Variants in CFAP95 observed in about 807,000 individuals in gnomAD.
CFAP95 encodes cilia and flagella associated protein 95.
the CFAP95 span, among the ~76,000 whole-genome samples, chr9:69,825,086 A>C: frequency 6.6e-6 from 1 of 152,222 alleles, no homozygotes; most frequent in Non-Finnish European, 1.5e-5. Context: ...TTTGGTCATA[A>C]TTGTTAGCTT....
chr9:69,841,927 G>A, the CFAP95 span, among the ~76,000 whole-genome samples: 4 of 152,162 alleles, frequency 2.6e-5, no homozygotes, highest in Non-Finnish European at 5.9e-5. Context: ...GGAATTATGG[G>A]TGCTACAATT....
the CFAP95 span, among the ~76,000 whole-genome samples, chr9:69,855,050 C>T: frequency 6.6e-6 from 1 of 152,194 alleles, no homozygotes; most frequent in Non-Finnish European, 1.5e-5. Context: ...AAATTCTCCT[C>T]AGTTCCCAAT....
At chr9:69,843,196 G>A in the CFAP95 span, among the ~76,000 whole-genome samples, 2 of 152,060 alleles carry the variant, frequency 1.3e-5, no homozygotes, top group African/African-American at 4.8e-5. Context: ...TCCCTGGCAT[G>A]TAGTAGGAAT....
the CFAP95 span, among the ~76,000 whole-genome samples, chr9:69,896,240 T>C: frequency 6.6e-6 from 1 of 152,230 alleles, no homozygotes; most frequent in African/African-American, 2.4e-5. Flanking sequence ...TTGTGTTTTA[T>C]ATGATTGAAG....
chr9:69,821,105 G>T, the CFAP95 span: 3 of 1,554,004 alleles, frequency 1.9e-6, no homozygotes, highest in Non-Finnish European at 2.6e-6. Context: ...AACAGGAAAG[G>T]AAAGGAGAGT....
At chr9:69,826,872 T>C in the CFAP95 span, among the ~76,000 whole-genome samples, 3 of 152,288 alleles carry the variant, frequency 2.0e-5, no homozygotes, top group Admixed American at 1.3e-4. Context: ...CAAAAGGTAC[T>C]GCAGGCTGGG....
At chr9:69,903,761 C>G in the CFAP95 span, among the ~76,000 whole-genome samples, 1 of 152,172 alleles carries the variant, frequency 6.6e-6, no homozygotes, top group Non-Finnish European at 1.5e-5. Context: ...GGGTCTTGCT[C>G]TGTTGCCCAG....
chr9:69,855,499 C>T, the CFAP95 span, among the ~76,000 whole-genome samples: 2 of 152,138 alleles, frequency 1.3e-5, no homozygotes, highest in Admixed American at 6.5e-5. Context: ...CCCCTACCAT[C>T]GACTTTGAAA....
chr9:69,872,281 G>A, the CFAP95 span, among the ~76,000 whole-genome samples: 128,608 of 152,198 alleles, frequency 0.85, 54,416 homozygotes, highest in Middle Eastern at 0.9. Context: ...CACATTATCC[G>A]TTATTCCATT....
chr9:69,853,037 G>A, the CFAP95 span, among the ~76,000 whole-genome samples: 2 of 152,158 alleles, frequency 1.3e-5, no homozygotes, highest in South Asian at 4.1e-4. Context: ...GTCTTTATCA[G>A]CAGCATGAAA....
the CFAP95 span, among the ~76,000 whole-genome samples, chr9:69,883,402 G>A: frequency 1.3e-5 from 2 of 152,222 alleles, no homozygotes; most frequent in South Asian, 2.1e-4. Context: ...TTGGGGAGGG[G>A]TTTATCTTAA....
chr9:69,891,555 G>T, the CFAP95 span, among the ~76,000 whole-genome samples: 7 of 150,300 alleles, frequency 4.7e-5, no homozygotes, highest in Non-Finnish European at 1.5e-5. Context: ...CTACCTATTG[G>T]GTACTATGCT....
At chr9:69,876,020 T>C in the CFAP95 span, among the ~76,000 whole-genome samples, 9 of 152,190 alleles carry the variant, frequency 5.9e-5, no homozygotes, top group African/African-American at 2.2e-4. Context: ...CGCAATAACA[T>C]TTTTTAAAAA....
chr9:69,871,850 C>T, the CFAP95 span, among the ~76,000 whole-genome samples: 1 of 152,166 alleles, frequency 6.6e-6, no homozygotes, highest in Admixed American at 6.5e-5. Context: ...ACTCCATTCT[C>T]CAACCTGCAG....
At chr9:69,864,915 A>G in the CFAP95 span, among the ~76,000 whole-genome samples, 1 of 152,194 alleles carries the variant, frequency 6.6e-6, no homozygotes, top group African/African-American at 2.4e-5. Flanking sequence ...ACATTTCTCC[A>G]GAAGAAAAAA....
chr9:69,827,115 AGT>A, the CFAP95 span, among the ~76,000 whole-genome samples: 1 of 152,218 alleles, frequency 6.6e-6, no homozygotes, highest in Admixed American at 6.5e-5. Flanking sequence ...TCCTAGTTGC[AGT>A]GTGTGTCATA....
chr9:69,868,880 C>A, the CFAP95 span, among the ~76,000 whole-genome samples: 2 of 149,818 alleles, frequency 1.3e-5, no homozygotes, highest in African/African-American at 2.4e-5. Flanking sequence ...TACAAATGGC[C>A]AACAGGTATT....
the CFAP95 span, among the ~76,000 whole-genome samples, chr9:69,891,750 C>T: frequency 3.3e-5 from 5 of 152,122 alleles, no homozygotes; most frequent in South Asian, 2.1e-4. Context: ...CCCTCTTTTA[C>T]GCAGTTTGAA....
the CFAP95 span, among the ~76,000 whole-genome samples, chr9:69,902,076 CAA>C: frequency 6.6e-6 from 1 of 152,166 alleles, no homozygotes; most frequent in African/African-American, 2.4e-5. Flanking sequence ...CCAGAATCTA[CAA>C]AGAGATCCTA....
Sources: allele counts gnomAD v4.1 joint callset (sites outside exome capture counted in the v4.1 genomes callset), GRCh38; gene constraint gnomAD v4.1.1; transcripts MANE v1.5; gene names NCBI Gene and HGNC (gene_info 2026-07-23, HGNC 2026-07-21).